The following ZEB1 variants were observed in gnomAD, a reference collection of about 807,000 sequenced individuals.
ZEB1 encodes zinc finger E-box binding homeobox 1, also known as zinc finger E-box-binding homeobox 1.
ZEB1 carries 21 observed loss-of-function variants against 84.9 expected under a neutral mutation model. That is an observed-to-expected ratio of 0.25 (90% confidence interval 0.18 to 0.36). The LOEUF (loss-of-function observed/expected upper bound fraction) is 0.36, where lower values mean the gene tolerates loss of function less well. Ranked by LOEUF, ZEB1 falls within the 10% of genes least tolerant of loss-of-function variation. The pLI is 1.00. For missense variants in ZEB1, 1,104 were observed against 1,330.2 expected (o/e 0.83, Z 2.65); for synonymous variants, 420 against 471.1 (o/e 0.89, Z 1.41).
intron 1 of ZEB1, chr10:31,363,784 T>G (rs1209757035): frequency 7.6e-7 from 1 of 1,319,708 alleles, no homozygotes; most frequent in Non-Finnish European, 1.0e-6. Flanking sequence ...CAGGACCCTC[T>G]GTGGGGTGCC....
At chr10:31,448,160 AT>A (rs1410943345) in intron 1 of ZEB1, among the ~76,000 whole-genome samples, 1 of 140,364 alleles carries the variant, frequency 7.1e-6, no homozygotes, top group African/African-American at 2.8e-5. Flanking sequence ...CATTTCATTC[AT>A]TTCATCTTCC....
At position 31,520,388 on chromosome 10, in the gene ZEB1, G is replaced by C; in HGVS notation, c.1056G>C (p.Val352=). Residue 352 remains valine, a synonymous_variant, in exon 7 of 9, where the codon GTG becomes GTC. Coordinates refer to ENST00000424869, the MANE Select transcript of ZEB1 (RefSeq NM_001174096.2). This position sits in a 1 kb window ranked among gnomAD's most constrained non-coding sequence, Gnocchi z 5.1. ...TTAACCAAATTAAAACTGAACCTGT[G>C]GATTATGAATTCAAACCCATAGTGG... ...LSVNQIKTEP[V]DYEFKPIVVA... is the part of the protein sequence containing the mutation. 2 of 1,613,846 alleles carry C rather than the reference G, an allele frequency of 1.2e-6. No individual in the cohort carries two copies. Among genetic ancestry groups the C allele is most frequent in the Non-Finnish European group, 1.7e-6 (2 of 1,179,928 alleles).
At chr10:31,497,154 T>G (rs571874431) in intron 3 of ZEB1, among the ~76,000 whole-genome samples, 2 of 152,234 alleles carry the variant, frequency 1.3e-5, no homozygotes, top group South Asian at 4.1e-4. Context: ...TACAGTAGTG[T>G]TAATAAACAT....
chr10:31,447,605 G>A (rs1254224853), intron 1 of ZEB1, among the ~76,000 whole-genome samples: 1 of 137,044 alleles, frequency 7.3e-6, no homozygotes, highest in Non-Finnish European at 1.6e-5. Context: ...TTTAGGGCAG[G>A]CCTGCTGGTG....
intron 1 of ZEB1, among the ~76,000 whole-genome samples, chr10:31,324,009 A>G (rs1466362370): frequency 1.3e-5 from 2 of 149,136 alleles, no homozygotes; most frequent in Non-Finnish European, 3.0e-5. Context: ...ATAGTTTTTC[A>G]TTTCCTGACA....
At chr10:31,350,056 A>G (rs1032084911) in intron 1 of ZEB1, among the ~76,000 whole-genome samples, 4 of 152,078 alleles carry the variant, frequency 2.6e-5, no homozygotes, top group African/African-American at 9.7e-5. Context: ...GTCGGGTTTC[A>G]TGTTTAAGTA....
chr10:31,470,111 GA>G (rs1268209841), intron 2 of ZEB1, among the ~76,000 whole-genome samples: 1 of 152,104 alleles, frequency 6.6e-6, no homozygotes, highest in African/African-American at 2.4e-5. Context: ...CAAAGATGGG[GA>G]AAAAACAGAA....
chr10:31,394,366 T>C (rs2135323888), intron 1 of ZEB1, among the ~76,000 whole-genome samples: 1 of 152,306 alleles, frequency 6.6e-6, no homozygotes, highest in South Asian at 2.1e-4. Context: ...GGGAAGACAT[T>C]GACGCTCAGA....
intron 1 of ZEB1, among the ~76,000 whole-genome samples, chr10:31,324,200 A>C (rs968960179): frequency 1.3e-5 from 2 of 152,012 alleles, no homozygotes; most frequent in Admixed American, 6.5e-5. Flanking sequence ...GATGACCCTG[A>C]TATAAAAAGC....
chr10:31,516,992 A>AT (rs1232217436), intron 6 of ZEB1, among the ~76,000 whole-genome samples: 4 of 152,084 alleles, frequency 2.6e-5, no homozygotes. Flanking sequence ...AGCATTTATT[A>AT]TACCAAGACT....
intron 1 of ZEB1, among the ~76,000 whole-genome samples, chr10:31,345,369 G>A (rs1387809056): frequency 2.6e-5 from 4 of 152,132 alleles, no homozygotes; most frequent in Non-Finnish European, 4.4e-5. Flanking sequence ...TTAATTTTAC[G>A]TTTTAGAATT....
At chr10:31,483,815 C>A (rs1013096262) in intron 2 of ZEB1, among the ~76,000 whole-genome samples, 2 of 151,974 alleles carry the variant, frequency 1.3e-5, no homozygotes, top group Non-Finnish European at 2.9e-5. Context: ...AACACACTTA[C>A]GATTTAAACA....
chr10:31,390,965 T>A (rs956789293), intron 1 of ZEB1, among the ~76,000 whole-genome samples: 2 of 152,122 alleles, frequency 1.3e-5, no homozygotes, highest in African/African-American at 4.8e-5. Flanking sequence ...GAAGAGACTG[T>A]TTGTCTCGAA....
chr10:31,521,589 A>C lies in ZEB1; in HGVS notation c.2257A>C (p.Ile753Leu). The C allele has an allele frequency of 6.2e-7, 1 of 1,614,128 alleles. No individual in the cohort carries two copies. The highest frequency in any genetic ancestry group is 8.5e-7 in the Non-Finnish European group (1 of 1,180,018). Residue 753 changes from isoleucine to leucine, a missense_variant, in exon 7 of 9, where the codon ATC (isoleucine) becomes CTC (leucine). This residue lies in a region of ZEB1 where 531 missense variants were observed against 575.2 expected (regional missense o/e 0.92). Coordinates refer to ENST00000424869, the MANE Select transcript of ZEB1 (RefSeq NM_001174096.2). ...GGGAGAATTATTAGAAAGGTCAACTATCACTAGTGTTTACCAGAACAGTGT... is the reference window on the plus strand; with the variant it reads ...GGGAGAATTATTAGAAAGGTCAACTCTCACTAGTGTTTACCAGAACAGTGT... Reference protein sequence around the residue: ...QQGELLERSTITSVYQNSVYS... With the variant: ...QQGELLERSTLTSVYQNSVYS...
chr10:31,477,966 A>T (rs1322286240), intron 2 of ZEB1, among the ~76,000 whole-genome samples: 1 of 152,052 alleles, frequency 6.6e-6, no homozygotes, highest in African/African-American at 2.4e-5. Context: ...AGAATTTATG[A>T]CTAAGACCCC....
intron 1 of ZEB1, among the ~76,000 whole-genome samples, chr10:31,453,478 A>G (rs763265972): frequency 3.3e-5 from 5 of 152,196 alleles, no homozygotes; most frequent in African/African-American, 7.2e-5. Context: ...TTTTGGAACC[A>G]TACTCATATA....
chr10:31,491,535 C>T (rs1199629921), intron 2 of ZEB1, among the ~76,000 whole-genome samples: 2 of 151,752 alleles, frequency 1.3e-5, no homozygotes, highest in African/African-American at 4.8e-5. Flanking sequence ...TTTAAGCTCC[C>T]TTGAATCCAG....
intron 1 of ZEB1, chr10:31,363,349 G>A: frequency 6.5e-7 from 1 of 1,534,252 alleles, no homozygotes. Flanking sequence ...ATGGCCCTTG[G>A]AGTAGAAACT....
chr10:31,471,467 C>T (rs2063235140), intron 2 of ZEB1, among the ~76,000 whole-genome samples: 1 of 151,064 alleles, frequency 6.6e-6, no homozygotes, highest in East Asian at 1.9e-4. Flanking sequence ...GAGACGAAGG[C>T]CATTACATAA....
Sources: allele counts gnomAD v4.1 joint callset (sites outside exome capture counted in the v4.1 genomes callset), GRCh38; gene constraint gnomAD v4.1.1; regional missense constraint gnomAD v4.1.1; non-coding constraint Gnocchi (gnomAD v3.1); transcripts MANE v1.5; gene names NCBI Gene and HGNC (gene_info 2026-07-23, HGNC 2026-07-21).